KSR2: variants seen among roughly 807,000 people sequenced by gnomAD.
KSR2 encodes the protein kinase suppressor of ras 2.
A neutral mutation model predicts 107.8 loss-of-function variants in KSR2; 25 were observed. The ratio of observed to expected loss-of-function variants is 0.23; its 90% CI spans 0.17 to 0.32. KSR2 has a LOEUF of 0.32. KSR2 is among the 10% of genes least tolerant of loss of function. KSR2 has a pLI of 1.00. For missense variants in KSR2, 887 were observed against 1,268.9 expected, an observed-to-expected ratio of 0.70 and a Z score of 4.57; for synonymous variants, 480 against 507.0, an observed-to-expected ratio of 0.95 and a Z score of 0.71.
intron 5 of KSR2, among the ~76,000 whole-genome samples, chr12:117,643,720 GC>G (rs962306994): frequency 2.8e-4 from 43 of 152,138 alleles, no homozygotes; most frequent in African/African-American, 9.6e-4. Flanking sequence ...TTGTTAAATA[GC>G]CCCCCGATTC....
intron 3 of KSR2, among the ~76,000 whole-genome samples, chr12:117,793,913 CCAA>C (rs1298433907): frequency 7.8e-5 from 11 of 140,986 alleles, no homozygotes; most frequent in African/African-American, 3.0e-4. Context: ...CACACTCACA[CCAA>C]CATGCACACA....
chr12:117,935,620 T>A (rs948995075), intron 1 of KSR2, among the ~76,000 whole-genome samples: 1 of 151,970 alleles, frequency 6.6e-6, no homozygotes, highest in Non-Finnish European at 1.5e-5. Flanking sequence ...AGTTAGCCGG[T>A]CGTAGTAGTG....
At chr12:117,926,435 G>A (rs1009150751) in intron 1 of KSR2, among the ~76,000 whole-genome samples, 2 of 152,226 alleles carry the variant, frequency 1.3e-5, no homozygotes, top group Admixed American at 1.3e-4. Context: ...TCTCAATTAG[G>A]AAGCTGGAAG....
intron 4 of KSR2, among the ~76,000 whole-genome samples, chr12:117,713,075 A>ATC (rs1886849583): frequency 3.3e-5 from 5 of 149,608 alleles, no homozygotes; most frequent in Non-Finnish European, 7.4e-5. Context: ...ACTTATATAG[A>ATC]TAGATTATAG....
chr12:117,816,849 C>G (rs4766881), intron 3 of KSR2, among the ~76,000 whole-genome samples: 26,907 of 152,158 alleles, frequency 0.18, 2,846 homozygotes, highest in Admixed American at 0.29. Flanking sequence ...GCTTCCAGAA[C>G]TAAAGTGGGT....
At chr12:117,544,944 A>T (rs1030386195) in intron 9 of KSR2, among the ~76,000 whole-genome samples, 1 of 152,202 alleles carries the variant, frequency 6.6e-6, no homozygotes, top group Non-Finnish European at 1.5e-5. Context: ...TTCATCACTA[A>T]GTATAATGTT....
chr12:117,491,181 A>G (rs1872725314), intron 14 of KSR2, among the ~76,000 whole-genome samples: 1 of 152,016 alleles, frequency 6.6e-6, no homozygotes, highest in Non-Finnish European at 1.5e-5. Flanking sequence ...TTGTCTTTTA[A>G]TTAATATATT....
chr12:117,767,430 C>A (rs1189568911), intron 3 of KSR2, among the ~76,000 whole-genome samples: 1 of 149,086 alleles, frequency 6.7e-6, no homozygotes, highest in Non-Finnish European at 1.5e-5. Context: ...GAGCGAGACT[C>A]CTGTCTCAAA....
chr12:117,591,979 A>C (rs1880348457), intron 5 of KSR2, among the ~76,000 whole-genome samples: 1 of 151,946 alleles, frequency 6.6e-6, no homozygotes, highest in South Asian at 2.1e-4. Context: ...ACTGGACTCC[A>C]GCCTGGGCAA....
intron 5 of KSR2, among the ~76,000 whole-genome samples, chr12:117,593,936 C>T (rs10774937): frequency 6.6e-6 from 1 of 152,134 alleles, no homozygotes; most frequent in Non-Finnish European, 1.5e-5. Context: ...ACCATTTATT[C>T]CCCTTCTATC....
intron 4 of KSR2, among the ~76,000 whole-genome samples, chr12:117,676,102 C>T (rs1003550556): frequency 6.6e-6 from 1 of 152,162 alleles, no homozygotes; most frequent in Non-Finnish European, 1.5e-5. Context: ...TACGAGCTCT[C>T]GGCTCAGCTG....
intron 4 of KSR2, among the ~76,000 whole-genome samples, chr12:117,719,602 A>G (rs1371839218): frequency 6.6e-6 from 1 of 152,126 alleles, no homozygotes; most frequent in Non-Finnish European, 1.5e-5. Context: ...ACTCCCCACC[A>G]TTCCCTATTG....
chr12:117,711,074 A>G (rs1315656507), intron 4 of KSR2, among the ~76,000 whole-genome samples: 1 of 152,008 alleles, frequency 6.6e-6, no homozygotes, highest in Non-Finnish European at 1.5e-5. Context: ...TGCACTCTAC[A>G]TTTTCTTTCC....
rs75897213 is a variant in KSR2, at chr12:117,644,298, T to C, written c.1171+23176A>G. Among the ~76,000 whole-genome samples, 313 of 152,326 alleles carry C rather than the reference T, an allele frequency of 2.1e-3. 2 individuals carry two copies. Among genetic ancestry groups the C allele is most frequent in the African/African-American group, 7.2e-3 (298 of 41,582 alleles). On this transcript the variant is annotated intron_variant, in intron 5 of 19. Transcript: ENST00000339824. Reference sequence around the variant, plus strand: ...TATCACAGTCTAAAACCTGTTTTTATTTCTAGGGCTTGGATACGGTTTGAG... The same window carrying C: ...TATCACAGTCTAAAACCTGTTTTTACTTCTAGGGCTTGGATACGGTTTGAG...
At position 117,793,588 on chromosome 12, in the gene KSR2, T is replaced by C. The variant is rs371415485; in HGVS notation, c.473-32064A>G. Among the ~76,000 whole-genome samples the C allele has an allele frequency of 1.3e-3, 167 of 125,946 alleles. 1 individual carries two copies. The highest frequency in any genetic ancestry group is 5.2e-3 in the African/African-American group (156 of 29,876). 82.6% of individuals were successfully genotyped at this position (125,946 alleles called of 152,430 possible). ...ACATGCACACACCTTTACACCAATA[T>C]GCACACATACACCAACATGCACACT... On this transcript the variant is annotated intron_variant, in intron 3 of 19. Transcript: ENST00000339824.
chr12:117,893,042 G>C (rs1242119841), intron 1 of KSR2, among the ~76,000 whole-genome samples: 2 of 149,950 alleles, frequency 1.3e-5, no homozygotes, highest in Non-Finnish European at 3.0e-5. Context: ...TTTTGAGACG[G>C]GGTCTTACTC....
intron 3 of KSR2, among the ~76,000 whole-genome samples, chr12:117,855,151 A>G (rs1893056928): frequency 6.6e-6 from 1 of 152,214 alleles, no homozygotes; most frequent in African/African-American, 2.4e-5. Flanking sequence ...ATTCACACTC[A>G]ATATTTTCAT....
At chr12:117,779,640 T>A (rs77669211) in intron 3 of KSR2, among the ~76,000 whole-genome samples, 4 of 152,284 alleles carry the variant, frequency 2.6e-5, no homozygotes, top group African/African-American at 9.6e-5. Context: ...GCTGTTCTCA[T>A]GATAGTGAGT....
At chr12:117,947,205 A>AAAT (rs58567161) in intron 1 of KSR2, among the ~76,000 whole-genome samples, 1 of 69,242 alleles carries the variant, frequency 1.4e-5, no homozygotes, top group Admixed American at 1.7e-4. Context: ...GAAAAGAAAG[A>AAAT]AAAGAAAGAA....
Sources: gnomAD v4.1 joint callset for allele counts (sites outside exome capture counted in the v4.1 genomes callset) on GRCh38, gnomAD v4.1.1 for gene constraint, MANE v1.5 for transcripts, NCBI Gene and HGNC (gene_info 2026-07-23, HGNC 2026-07-21) for gene names.